PLPP3: variants seen among roughly 807,000 people sequenced by gnomAD.
PLPP3 encodes PAP2 beta.
PLPP3 carries 6 observed loss-of-function variants against 29.6 expected under a neutral mutation model. The ratio of observed to expected loss-of-function variants is 0.20; its 90% CI spans 0.11 to 0.40. The LOEUF is 0.40. Ranked by LOEUF, PLPP3 falls within the 10% of genes least tolerant of loss-of-function variation. PLPP3 has a pLI of 1.00. For synonymous variants in PLPP3, 152 were observed against 159.7 expected (o/e 0.95, Z 0.36); for missense variants, 308 against 407.7 (o/e 0.76, Z 2.11).
At chr1:56,529,801 A>G (rs574298183) in intron 2 of PLPP3, among the ~76,000 whole-genome samples, 1 of 152,280 alleles carries the variant, frequency 6.6e-6, no homozygotes, top group South Asian at 2.1e-4. Flanking sequence ...GGTAATGAAG[A>G]CATAGATCTG....
At position 56,537,134 on chromosome 1, in the gene PLPP3, C is replaced by T. The variant is rs768609512; in HGVS notation, c.140-22G>A. The T allele has an allele frequency of 6.3e-6, 10 of 1,592,504 alleles. No homozygotes were observed. In the East Asian group the frequency reaches 2.0e-4, roughly 32 times the overall value. On this transcript the variant is annotated intron_variant, in intron 1 of 5. Transcript: ENST00000371250. ...CCCGCTGGTCCAGGTGGAACCATGGCATATACCAGAAAAAAAAAGAAAAAA... is the reference window on the plus strand; with the variant it reads ...CCCGCTGGTCCAGGTGGAACCATGGTATATACCAGAAAAAAAAAGAAAAAA...
chr1:56,534,401 T>TC (rs1191494909), intron 2 of PLPP3, among the ~76,000 whole-genome samples: 2 of 152,162 alleles, frequency 1.3e-5, no homozygotes, highest in Non-Finnish European at 2.9e-5. Flanking sequence ...CACACTGGTC[T>TC]CCTCCACTGC....
At chr1:56,568,917 G>A (rs549093421) in intron 1 of PLPP3, among the ~76,000 whole-genome samples, 11 of 150,988 alleles carry the variant, frequency 7.3e-5, no homozygotes, top group South Asian at 2.1e-4. Context: ...GAGCCACCGC[G>A]CCCGGCCCTG....
intron 4 of PLPP3, among the ~76,000 whole-genome samples, chr1:56,521,109 C>G (rs189718916): frequency 1.8e-3 from 277 of 151,254 alleles, no homozygotes; most frequent in African/African-American, 6.5e-3. Context: ...GTGGCATGTG[C>G]CTGTGGTCCC....
intron 5 of PLPP3, among the ~76,000 whole-genome samples, chr1:56,504,217 C>G (rs937119119): frequency 6.6e-6 from 1 of 152,162 alleles, no homozygotes; most frequent in African/African-American, 2.4e-5. Context: ...GTGGTCCCAG[C>G]TAGTCAGGAA....
At chr1:56,541,165 G>A (rs1360659395) in intron 1 of PLPP3, among the ~76,000 whole-genome samples, 1 of 152,156 alleles carries the variant, frequency 6.6e-6, no homozygotes, top group Non-Finnish European at 1.5e-5. Flanking sequence ...CCAACAGAGG[G>A]TGGGAGACTT....
chr1:56,510,436 T>C (rs138178065), intron 5 of PLPP3, among the ~76,000 whole-genome samples: 1 of 152,240 alleles, frequency 6.6e-6, no homozygotes, highest in African/African-American at 2.4e-5. Context: ...GGGATTCCCA[T>C]GTCAAAGGCT....
In PLPP3 at chr1:56,495,514, C is replaced by A. The variant is rs933216251; in HGVS notation, c.*1037G>T. 1.3e-5 allele frequency: 2 copies of A among 152,740 alleles called. No homozygotes were observed. The highest frequency in any genetic ancestry group is 2.9e-5 in the Non-Finnish European group (2 of 68,096). 9.5% of individuals were successfully genotyped at this position (152,740 alleles called of 1,614,324 possible). Reference sequence around the variant, plus strand: ...CTACAAAGACCCTCAGCTCTGTCATCCTGAAGGGTAACCTCTCATGCATGA... The same window carrying A: ...CTACAAAGACCCTCAGCTCTGTCATACTGAAGGGTAACCTCTCATGCATGA... On this transcript the variant is annotated 3_prime_UTR_variant, in exon 6 of 6. Coordinates refer to ENST00000371250, the MANE Select transcript of PLPP3 (RefSeq NM_003713.5).
intron 2 of PLPP3, among the ~76,000 whole-genome samples, chr1:56,531,313 T>C (rs1006174262): frequency 1.3e-5 from 2 of 152,146 alleles, no homozygotes; most frequent in African/African-American, 4.8e-5. Flanking sequence ...TCAGACTAAT[T>C]ATTTCCTTTC....
chr1:56,554,347 T>C (rs750293262), intron 1 of PLPP3, among the ~76,000 whole-genome samples: 8 of 151,442 alleles, frequency 5.3e-5, no homozygotes, highest in African/African-American at 9.7e-5. Flanking sequence ...CCGAGGCGGG[T>C]GGATTATGAG....
At chr1:56,577,525 CATCAAGAGGACACTGCACAGT>C (rs1463118637) in intron 1 of PLPP3, among the ~76,000 whole-genome samples, 1 of 152,058 alleles carries the variant, frequency 6.6e-6, no homozygotes, top group African/African-American at 2.4e-5. Flanking sequence ...TACTATGGAC[CATCAAGAGGACACTGCACAGT>C]AAGAGCAGTG....
chr1:56,558,844 G>A (rs919701384), intron 1 of PLPP3, among the ~76,000 whole-genome samples: 12 of 152,150 alleles, frequency 7.9e-5, no homozygotes, highest in Admixed American at 4.6e-4. Context: ...GTGGTAACTC[G>A]TGGTGGTGAA....
At chr1:56,526,759 T>C (rs1275976739) in intron 2 of PLPP3, among the ~76,000 whole-genome samples, 2 of 152,110 alleles carry the variant, frequency 1.3e-5, no homozygotes, top group Non-Finnish European at 2.9e-5. Flanking sequence ...TTCTCAACTT[T>C]CCTGGGCTAC....
intron 1 of PLPP3, among the ~76,000 whole-genome samples, chr1:56,561,120 TACAGGCGTGAGCC>T (rs1433427901): frequency 6.6e-6 from 1 of 151,922 alleles, no homozygotes; most frequent in Non-Finnish European, 1.5e-5. Flanking sequence ...GTGCTGGGAT[TACAGGCGTGAGCC>T]ACTGCACCCG....
In PLPP3 at chr1:56,559,978, G is replaced by A. The variant is rs555219955; in HGVS notation, c.139+18900C>T. 6.1e-3 allele frequency among the ~76,000 whole-genome samples: 934 copies of A among 152,238 alleles called. 14 individuals are homozygous for A. The highest frequency in any genetic ancestry group is 0.021 in the African/African-American group (869 of 41,524). ...CAGTGCAGTCCCTTCCTTGACAATG[G>A]TGCCTAAAAGCATTCTGCTAATTTG... On this transcript the variant is annotated intron_variant, in intron 1 of 5. Transcript: ENST00000371250.
chr1:56,522,097 CA>C (rs1557502303), intron 4 of PLPP3, among the ~76,000 whole-genome samples: 1 of 152,180 alleles, frequency 6.6e-6, no homozygotes, highest in African/African-American at 2.4e-5. Context: ...GTCTGGCCTG[CA>C]AATACCTTTT....
intron 1 of PLPP3, among the ~76,000 whole-genome samples, chr1:56,541,705 G>T (rs1456675204): frequency 6.6e-6 from 1 of 152,090 alleles, no homozygotes; most frequent in Non-Finnish European, 1.5e-5. Flanking sequence ...TTTCTATAAA[G>T]TAAGTGAGTC....
intron 1 of PLPP3, among the ~76,000 whole-genome samples, chr1:56,567,613 G>A (rs1016270349): frequency 6.6e-6 from 1 of 151,974 alleles, no homozygotes; most frequent in Non-Finnish European, 1.5e-5. Flanking sequence ...TAGCCAGGAT[G>A]GTCTCAATCT....
chr1:56,500,982 C>T (rs573132018), intron 5 of PLPP3, among the ~76,000 whole-genome samples: 6 of 124,050 alleles, frequency 4.8e-5, no homozygotes, highest in East Asian at 2.3e-4. Flanking sequence ...CCAGCCTGGG[C>T]GAGACAGCGA....
Sources: gnomAD v4.1 joint callset for allele counts (sites outside exome capture counted in the v4.1 genomes callset) on GRCh38, gnomAD v4.1.1 for gene constraint, MANE v1.5 for transcripts, NCBI Gene and HGNC (gene_info 2026-07-23, HGNC 2026-07-21) for gene names.